Variants in CPA6 observed in about 807,000 individuals in gnomAD.
CPA6 encodes carboxypeptidase A6, also known as carboxypeptidase B.
CPA6 carries 58 observed loss-of-function variants against 63.3 expected under a neutral mutation model. The ratio of observed to expected loss-of-function variants is 0.92; its 90% CI spans 0.74 to 1.14. The LOEUF (loss-of-function observed/expected upper bound fraction) is 1.14, where lower values mean the gene tolerates loss of function less well. CPA6 is among the 50% of genes most tolerant of loss of function. The pLI, the probability that CPA6 is intolerant of heterozygous loss-of-function variation, is 0.00. For missense variants in CPA6, 565 were observed against 526.6 expected (o/e 1.07, Z -0.71); for synonymous variants, 185 against 179.0 (o/e 1.03, Z -0.27).
intron 1 of CPA6, among the ~76,000 whole-genome samples, chr8:67,665,670 C>A (rs1248902794): frequency 6.6e-6 from 1 of 152,158 alleles, no homozygotes; most frequent in Non-Finnish European, 1.5e-5. Flanking sequence ...GTACCATTTC[C>A]TTTGTCCTAG....
At chr8:67,576,346 A>T (rs985160093) in intron 2 of CPA6, among the ~76,000 whole-genome samples, 2 of 152,228 alleles carry the variant, frequency 1.3e-5, no homozygotes, top group South Asian at 4.1e-4. Flanking sequence ...AAAACATTTT[A>T]TCTGGAACCA....
intron 2 of CPA6, among the ~76,000 whole-genome samples, chr8:67,562,303 A>G (rs191921759): frequency 1.3e-5 from 2 of 152,132 alleles, no homozygotes; most frequent in Admixed American, 1.3e-4. Context: ...GGTCTCTGTC[A>G]CTTTCTCCCT....
intron 2 of CPA6, among the ~76,000 whole-genome samples, chr8:67,579,952 T>A (rs1412476881): frequency 6.6e-6 from 1 of 152,202 alleles, no homozygotes; most frequent in Non-Finnish European, 1.5e-5. Flanking sequence ...CTCTTTTTTT[T>A]ATTTAGAAGA....
At chr8:67,635,059 A>G (rs10088202) in intron 1 of CPA6, among the ~76,000 whole-genome samples, 5 of 150,622 alleles carry the variant, frequency 3.3e-5, no homozygotes, top group African/African-American at 1.2e-4. Flanking sequence ...GCTATTTTTT[A>G]AAAAAAATTT....
In CPA6 at chr8:67,698,624, C is replaced by T. The variant is rs138656204; in HGVS notation, c.116+47390G>A. On this transcript the variant is annotated intron_variant, in intron 1 of 10. Coordinates refer to ENST00000297770, the MANE Select transcript of CPA6 (RefSeq NM_020361.5). ...GTCGATATGTCTTCCGATTCTGTGT[C>T]TATACTGAATAATACAGCATTTTCT... Among the ~76,000 whole-genome samples the T allele has an allele frequency of 2.0e-3, 300 of 152,208 alleles. 3 individuals are homozygous for T. Among genetic ancestry groups the T allele is most frequent in the South Asian group, 0.011 (55 of 4,814 alleles).
intron 2 of CPA6, among the ~76,000 whole-genome samples, chr8:67,600,045 A>AC (rs1814452755): frequency 6.6e-6 from 1 of 151,622 alleles, no homozygotes; most frequent in Non-Finnish European, 1.5e-5. Context: ...GGCACAAGGC[A>AC]ATACTTTTAA....
rs373771049 is a variant in CPA6 at position 67,586,258 on chromosome 8, C to T, written c.192+37918G>A. 3.9e-5 allele frequency among the ~76,000 whole-genome samples: 6 copies of T among 152,144 alleles called. No individual in the cohort carries two copies. The East Asian group carries it at 1.2e-3, about 29-fold the overall frequency. ...GTCATATTATTCTGTAACTGCCTAGCTTTAGGAGTTCTGCTGCAAGTACTA... is the reference window on the plus strand; with the variant it reads ...GTCATATTATTCTGTAACTGCCTAGTTTTAGGAGTTCTGCTGCAAGTACTA... On this transcript the variant is annotated intron_variant, in intron 2 of 10. Coordinates refer to ENST00000297770, the MANE Select transcript of CPA6 (RefSeq NM_020361.5).
intron 2 of CPA6, among the ~76,000 whole-genome samples, chr8:67,574,236 G>C (rs545746771): frequency 6.6e-6 from 1 of 151,758 alleles, no homozygotes; most frequent in African/African-American, 2.4e-5. Flanking sequence ...AAATTAGCTG[G>C]GCATGGTGGC....
intron 9 of CPA6, among the ~76,000 whole-genome samples, chr8:67,429,128 T>C (rs1809963062): frequency 6.6e-6 from 1 of 152,122 alleles, no homozygotes; most frequent in South Asian, 2.1e-4. Context: ...TCAGGTTACA[T>C]ATGCCTCCCA....
chr8:67,657,474 G>A (rs1587677369), intron 1 of CPA6, among the ~76,000 whole-genome samples: 1 of 152,288 alleles, frequency 6.6e-6, no homozygotes, highest in African/African-American at 2.4e-5. Context: ...AAGATGAGAA[G>A]TATCAGAAGA....
chr8:67,655,108 T>C (rs750218655), intron 1 of CPA6, among the ~76,000 whole-genome samples: 22 of 152,146 alleles, frequency 1.4e-4, no homozygotes, highest in Non-Finnish European at 3.1e-4. Flanking sequence ...TGGTCTGGAG[T>C]GTTTCAACCA....
intron 1 of CPA6, among the ~76,000 whole-genome samples, chr8:67,681,810 A>G (rs924790106): frequency 6.6e-6 from 1 of 152,084 alleles, no homozygotes. Flanking sequence ...AACTTTATAA[A>G]CAGTCTCAAA....
At chr8:67,583,345 A>G (rs1232390664) in intron 2 of CPA6, among the ~76,000 whole-genome samples, 2 of 152,154 alleles carry the variant, frequency 1.3e-5, no homozygotes, top group Non-Finnish European at 2.9e-5. Flanking sequence ...GACAAAGTAG[A>G]GTTTAATTAG....
intron 9 of CPA6, among the ~76,000 whole-genome samples, chr8:67,433,458 G>A (rs984037590): frequency 6.6e-6 from 1 of 152,152 alleles, no homozygotes; most frequent in Non-Finnish European, 1.5e-5. Context: ...GTAATCTTAT[G>A]CCTGAACGTC....
chr8:67,432,560 A>T lies in CPA6; in HGVS notation c.1041+1478T>A, dbSNP rs540100983. Among the ~76,000 whole-genome samples the T allele has an allele frequency of 1.2e-3, 188 of 152,208 alleles. 1 individual carries two copies. The highest frequency in any genetic ancestry group is 4.4e-3 in the African/African-American group (183 of 41,546). ...CTGCAGCCCTGACCTCATGAGCTCAAGTGATCCTCCTGTTCCAGCCTCCTG... is the reference window on the plus strand; with the variant it reads ...CTGCAGCCCTGACCTCATGAGCTCATGTGATCCTCCTGTTCCAGCCTCCTG... On this transcript the variant is annotated intron_variant, in intron 9 of 10. Coordinates refer to ENST00000297770, the MANE Select transcript of CPA6 (RefSeq NM_020361.5).
intron 2 of CPA6, among the ~76,000 whole-genome samples, chr8:67,598,997 A>G (rs963874167): frequency 3.9e-5 from 6 of 152,198 alleles, no homozygotes; most frequent in Non-Finnish European, 7.3e-5. Context: ...AATTTCTTCA[A>G]AAGAATTTGC....
chr8:67,577,234 A>G (rs567172981), intron 2 of CPA6, among the ~76,000 whole-genome samples: 1 of 152,314 alleles, frequency 6.6e-6, no homozygotes, highest in African/African-American at 2.4e-5. Context: ...CCTCAGTACC[A>G]TGACCATTTC....
At chr8:67,716,191 T>C (rs1015667737) in intron 1 of CPA6, among the ~76,000 whole-genome samples, 68 of 138,192 alleles carry the variant, frequency 4.9e-4, no homozygotes, top group African/African-American at 1.9e-3. Flanking sequence ...GAGAGAGAAG[T>C]GTCAGAGGCG....
intron 1 of CPA6, among the ~76,000 whole-genome samples, chr8:67,666,958 T>C (rs1390634585): frequency 1.3e-5 from 2 of 152,144 alleles, no homozygotes; most frequent in Admixed American, 6.6e-5. Context: ...TGCACAAGGT[T>C]TACATATCTG....
Sources: allele counts gnomAD v4.1 joint callset (sites outside exome capture counted in the v4.1 genomes callset), GRCh38; gene constraint gnomAD v4.1.1; transcripts MANE v1.5; gene names NCBI Gene and HGNC (gene_info 2026-07-23, HGNC 2026-07-21).